The following CR1 variants were observed in gnomAD, a reference collection of about 807,000 sequenced individuals.
CR1 encodes the protein complement C3b/C4b receptor 1 (Knops blood group), also known as complement receptor type 1.
In CR1, 116 loss-of-function variants were observed where a neutral mutation model predicts 187.3. That is an observed-to-expected ratio of 0.62 (90% CI 0.53 to 0.72). The LOEUF (loss-of-function observed/expected upper bound fraction) is 0.72. Among genes scored for constraint, CR1 ranks in the 30% least tolerant of loss-of-function variants. The pLI is 0.00. For missense variants in CR1, 1,731 were observed against 2,110.7 expected (o/e 0.82, Z 3.52); for synonymous variants, 576 against 747.1 (o/e 0.77, Z 3.73).
intron 35 of CR1, among the ~76,000 whole-genome samples, chr1:207,603,388 G>A (rs1253344672): frequency 6.6e-6 from 1 of 151,944 alleles, no homozygotes; most frequent in Non-Finnish European, 1.5e-5. Context: ...AATTTTTCCT[G>A]ACCTGATGTC....
chr1:207,515,127 A>G (rs1481281741), intron 4 of CR1, among the ~76,000 whole-genome samples: 1 of 147,898 alleles, frequency 6.8e-6, no homozygotes, highest in African/African-American at 2.5e-5. Flanking sequence ...ATACATACGT[A>G]CGTATATATA....
intron 1 of CR1, among the ~76,000 whole-genome samples, chr1:207,501,380 C>A (rs1042800656): frequency 6.6e-6 from 1 of 152,156 alleles, no homozygotes; most frequent in African/African-American, 2.4e-5. Flanking sequence ...ACTTCAAATA[C>A]TCATCAATCA....
intron 46 of CR1, among the ~76,000 whole-genome samples, chr1:207,636,392 G>A (rs1197773701): frequency 6.6e-6 from 1 of 151,986 alleles, no homozygotes. Flanking sequence ...CCCTGTAGAT[G>A]GCATCTGACC....
chr1:207,505,824 A>C, intron 1 of CR1, 80 bp from the exon 2 acceptor site: 1 of 1,477,954 alleles, frequency 6.8e-7, no homozygotes, highest in Non-Finnish European at 9.2e-7. Context: ...TGATGGAGCC[A>C]GTCTCCGTCT....
At chr1:207,634,958 G>A (rs1467703103) in intron 46 of CR1, among the ~76,000 whole-genome samples, 1 of 152,022 alleles carries the variant, frequency 6.6e-6, no homozygotes, top group African/African-American at 2.4e-5. Context: ...CTTTTTCTTT[G>A]GACAAAATTA....
chr1:207,609,821 T>A, intron 37 of CR1, 133 bp downstream of exon 37: 2 of 910,612 alleles, frequency 2.2e-6, no homozygotes, highest in Non-Finnish European at 3.0e-6. Flanking sequence ...CTGTCTGTTA[T>A]CTCTGTTAAT....
chr1:207,593,882 G>A (rs1457912451), intron 35 of CR1, among the ~76,000 whole-genome samples: 1 of 152,228 alleles, frequency 6.6e-6, no homozygotes, highest in Non-Finnish European at 1.5e-5. Flanking sequence ...TTAGAGAAAT[G>A]CAAATCAAAA....
At chr1:207,506,108 C>A (rs777708090) in intron 2 of CR1, 25 bp downstream of exon 2, 1 of 1,606,034 alleles carries the variant, frequency 6.2e-7, no homozygotes, top group Non-Finnish European at 8.5e-7. Context: ...AGTGGGAACC[C>A]CCCTGTTAGT....
intron 35 of CR1, among the ~76,000 whole-genome samples, chr1:207,594,769 C>T (rs113344722): frequency 2.0e-5 from 3 of 152,150 alleles, no homozygotes; most frequent in South Asian, 2.1e-4. Flanking sequence ...TGAGCCTGGA[C>T]GATTTAAACT....
chr1:207,567,063 T>C (rs1316586645), intron 24 of CR1, among the ~76,000 whole-genome samples: 1 of 150,306 alleles, frequency 6.7e-6, no homozygotes, highest in Non-Finnish European at 1.5e-5. Context: ...TTCATAACTC[T>C]TGCTAGTTAA....
rs1339858971 is a variant in CR1, at chr1:207,567,957, C to T, written c.4086C>T (p.Leu1362=). The T allele has an allele frequency of 1.2e-5, 20 of 1,610,488 alleles. No homozygotes were observed. The highest frequency in any genetic ancestry group is 1.6e-5 in the Non-Finnish European group (19 of 1,179,608). Residue 1362 remains leucine, a synonymous_variant, in exon 25 of 47, where the codon CTC becomes CTT. Transcript: ENST00000367049. ...PHPDRGTSFD[L]IGESTIRCTS... is the part of the protein sequence containing the mutation. ...CAGACAGAGGGACGAGCTTCGACCTCATTGGAGAGAGCACCATCCGCTGCA... is the reference window on the plus strand; with the variant it reads ...CAGACAGAGGGACGAGCTTCGACCTTATTGGAGAGAGCACCATCCGCTGCA...
In CR1 at chr1:207,611,831, C is replaced by A. The variant is rs879142327; in HGVS notation, c.6450C>A (p.Ser2150Arg). 2.6e-5 allele frequency: 42 copies of A among 1,613,962 alleles called. 1 individual carries two copies. The highest frequency in any genetic ancestry group is 3.5e-5 in the Non-Finnish European group (41 of 1,179,864). Residue 2150 changes from serine to arginine, a missense_variant, in exon 38 of 47, where the codon AGC becomes AGA. This residue lies in a region of CR1 where 1,312 missense variants were observed against 1,379.6 expected (regional missense o/e 0.95). Coordinates refer to ENST00000367049, the MANE Select transcript of CR1 (RefSeq NM_000651.6). ...SLHCTPQGDW[S>R]PEAPRCTVKS... ...ACTGCACGCCCCAGGGAGACTGGAG[C>A]CCTGAAGCCCCTAGATGTACAGGTG... is the stretch of plus-strand genomic sequence containing the variant.
intron 23 of CR1, 145 bp downstream of exon 23, chr1:207,564,379 G>C: frequency 1.3e-6 from 1 of 754,158 alleles, no homozygotes; most frequent in Non-Finnish European, 2.1e-6. Flanking sequence ...AGTATACCTA[G>C]GAAGAAAGGA....
intron 43 of CR1, among the ~76,000 whole-genome samples, chr1:207,620,303 T>C (rs753791572): frequency 3.3e-5 from 5 of 152,210 alleles, no homozygotes; most frequent in Non-Finnish European, 7.3e-5. Flanking sequence ...TGTGGTTGCA[T>C]GAGCCACACA....
intron 1 of CR1, among the ~76,000 whole-genome samples, chr1:207,505,521 T>C (rs1243740387): frequency 6.6e-6 from 1 of 152,032 alleles, no homozygotes; most frequent in Non-Finnish European, 1.5e-5. Flanking sequence ...TGAAGTATAT[T>C]GGAGAGAAAG....
At chr1:207,583,343 G>C (rs1287419242) in intron 32 of CR1, among the ~76,000 whole-genome samples, 1 of 152,216 alleles carries the variant, frequency 6.6e-6, no homozygotes, top group Non-Finnish European at 1.5e-5. Context: ...TTTCAGTGGA[G>C]TGCTGGCAAA....
At chr1:207,510,601 G>A (rs1430754264) in intron 3 of CR1, among the ~76,000 whole-genome samples, 1 of 152,096 alleles carries the variant, frequency 6.6e-6, no homozygotes, top group Non-Finnish European at 1.5e-5. Flanking sequence ...CCAAATTTAT[G>A]GCACACTGTG....
At position 207,565,826 on chromosome 1, in the gene CR1, T is replaced by C. The variant is rs755818282; in HGVS notation, c.3867-12T>C. ...GAAACAGCTCACTATTCACTCCTAT[T>C]TTCTTCTTTAGATTTCAATTAAAAG... On this transcript the variant is annotated splice_polypyrimidine_tract_variant and intron_variant, in intron 23 of 46. Coordinates refer to ENST00000367049, the MANE Select transcript of CR1 (RefSeq NM_000651.6). 1 of 1,610,626 alleles carries C rather than the reference T, an allele frequency of 6.2e-7. No homozygotes were observed. Among genetic ancestry groups the C allele is most frequent in the East Asian group, 2.2e-5 (1 of 44,858 alleles).
intron 40 of CR1, 46 bp downstream of exon 40, chr1:207,614,535 G>T (rs1016988830): frequency 6.6e-7 from 1 of 1,518,678 alleles, no homozygotes; most frequent in African/African-American, 1.4e-5. Context: ...CCTTATTTTC[G>T]TTTTCCAGCA....
Sources: allele counts gnomAD v4.1 joint callset (sites outside exome capture counted in the v4.1 genomes callset), GRCh38; gene constraint gnomAD v4.1.1; regional missense constraint gnomAD v4.1.1; transcripts MANE v1.5; gene names NCBI Gene and HGNC (gene_info 2026-07-23, HGNC 2026-07-21).